The following BYSL variants were observed in gnomAD, a reference collection of about 807,000 sequenced individuals.
BYSL encodes the protein bystin.
A neutral mutation model predicts 45.4 loss-of-function variants in BYSL; 21 were observed. The ratio of observed to expected loss-of-function variants is 0.46; its 90% CI spans 0.33 to 0.67. The LOEUF (loss-of-function observed/expected upper bound fraction) is 0.67, where lower values mean the gene tolerates loss of function less well. Ranked by LOEUF, BYSL falls within the 30% of genes least tolerant of loss-of-function variation. The pLI, the probability that BYSL is intolerant of heterozygous loss-of-function variation, is 0.02. For missense variants in BYSL, 522 were observed against 578.5 expected, an observed-to-expected ratio of 0.90 and a Z score of 1.00; for synonymous variants, 215 against 231.3, an observed-to-expected ratio of 0.93 and a Z score of 0.64.
upstream of BYSL, chr6:41,917,461 A>C (rs942491091): frequency 4.6e-6 from 1 of 215,712 alleles, no homozygotes. Context: ...AGAGTAGAAC[A>C]AGGAGTCCAA....
the BYSL span, among the ~76,000 whole-genome samples, chr6:41,911,139 GAGAT>G: frequency 2.0e-5 from 3 of 150,660 alleles, no homozygotes; most frequent in African/African-American, 7.3e-5. Flanking sequence ...TCTCATGAGA[GAGAT>G]AGGCTAAAAA....
chr6:41,909,136 T>C, the BYSL span: 1 of 1,252,428 alleles, frequency 8.0e-7, no homozygotes, highest in Non-Finnish European at 1.1e-6. Flanking sequence ...ATTGTGCCAT[T>C]GCATTCCAGC....
upstream of BYSL, chr6:41,916,696 T>C: frequency 6.6e-7 from 1 of 1,511,578 alleles, no homozygotes; most frequent in East Asian, 2.3e-5. Flanking sequence ...ATACCACCTT[T>C]AGCAGAAAAG....
chr6:41,920,864 C>G, upstream of BYSL: 1 of 1,069,674 alleles, frequency 9.3e-7, no homozygotes, highest in Non-Finnish European at 1.3e-6. Flanking sequence ...GGGGAACCCG[C>G]AGCCCGGACG....
chr6:41,930,262 G>A lies in BYSL; in HGVS notation c.562G>A (p.Val188Ile), dbSNP rs150414779. The stretch of plus-strand genomic sequence containing the variant: ...CCGGGTCCTAGAAGTGTACAGGGGG[G>A]TCCGGGAGGTAAGAGCTGAGAGGGG... ...DPRVLEVYRG[V>I]REVLSKYRSG... Residue 188 changes from valine (V) to isoleucine (I), a missense_variant, in exon 3 of 7, where the codon GTC (valine) becomes ATC (isoleucine). Physicochemically the swap from Val to Ile is conservative, Grantham distance 29 (BLOSUM62 3). Transcript: ENST00000230340. 101 of 1,613,630 alleles carry A rather than the reference G, an allele frequency of 6.3e-5. No individual in the cohort carries two copies. Among genetic ancestry groups the A allele is most frequent in the Non-Finnish European group, 7.9e-5 (93 of 1,179,748 alleles).
upstream of BYSL, chr6:41,917,007 G>A (rs1204118789): frequency 1.2e-5 from 18 of 1,563,462 alleles, no homozygotes; most frequent in Admixed American, 3.4e-5. Context: ...CCATTCACTC[G>A]CCCACAGCAT....
intron 3 of BYSL, 121 bp downstream of exon 3, chr6:41,930,391 AC>A: frequency 7.3e-7 from 1 of 1,372,444 alleles, no homozygotes. Flanking sequence ...TAGAAAACAG[AC>A]CTAAGAGGCA....
At chr6:41,923,446 G>A (rs1429283933) in intron 1 of BYSL, among the ~76,000 whole-genome samples, 1 of 152,090 alleles carries the variant, frequency 6.6e-6, no homozygotes, top group Admixed American at 6.6e-5. Context: ...ACAGGCGTGA[G>A]CCATCACATC....
At chr6:41,922,564 GT>G (rs569869391) in intron 1 of BYSL, among the ~76,000 whole-genome samples, 40 of 152,314 alleles carry the variant, frequency 2.6e-4, no homozygotes, top group Admixed American at 2.5e-3. Flanking sequence ...CAACACTCCT[GT>G]TTTACTGCCA....
upstream of BYSL, chr6:41,916,644 G>T (rs1561939276): frequency 5.0e-6 from 5 of 1,002,070 alleles, no homozygotes; most frequent in East Asian, 2.4e-5. Context: ...AAAGAACCAA[G>T]AATTAATGAC....
chr6:41,909,043 C>A, the BYSL span: 2 of 524,460 alleles, frequency 3.8e-6, no homozygotes, highest in East Asian at 5.9e-5. Flanking sequence ...AAATTTAATT[C>A]GGTGGGTGTA....
the BYSL span, among the ~76,000 whole-genome samples, chr6:41,915,515 C>T: frequency 3.3e-5 from 5 of 150,400 alleles, no homozygotes; most frequent in African/African-American, 9.8e-5. Context: ...ACGCTGGGCG[C>T]GGTGGCTCAC....
chr6:41,914,896 G>C, the BYSL span, among the ~76,000 whole-genome samples: 1 of 152,132 alleles, frequency 6.6e-6, no homozygotes, highest in East Asian at 1.9e-4. Context: ...AAACCCTAAA[G>C]CTCTAAAAGA....
At chr6:41,919,160 CTT>C (rs1487302501), upstream of BYSL, among the ~76,000 whole-genome samples, 4 of 138,692 alleles carry the variant, frequency 2.9e-5, no homozygotes, top group Non-Finnish European at 6.2e-5. Flanking sequence ...AAAGAGGAAA[CTT>C]AAGTACAGCA....
intron 1 of BYSL, among the ~76,000 whole-genome samples, chr6:41,922,392 CGA>C (rs1444733333): frequency 2.6e-5 from 4 of 152,146 alleles, no homozygotes; most frequent in African/African-American, 9.7e-5. Flanking sequence ...AGCCAAAGAG[CGA>C]GAGAGATGAA....
upstream of BYSL, chr6:41,921,174 A>T: frequency 1.1e-6 from 1 of 948,378 alleles, no homozygotes; most frequent in South Asian, 1.7e-5. Flanking sequence ...GCCTTCCCCA[A>T]GGAATGGGGC....
In BYSL at chr6:41,932,366, C is replaced by T. The variant is rs1264455314; in HGVS notation, c.974C>T (p.Ala325Val). Reference sequence around the variant, plus strand: ...CCACCTCCCTTTCCCACTAGTGCGGCCATGCTGAAAATTGCTGAGATGGAA... The same window carrying T: ...CCACCTCCCTTTCCCACTAGTGCGGTCATGCTGAAAATTGCTGAGATGGAA... ...CSIPVLHSSA[A>V]MLKIAEMEYS... Residue 325 changes from alanine to valine, a missense_variant, in exon 7 of 7, where the codon GCC becomes GTC. Transcript: ENST00000230340. This position sits in a 1 kb window ranked among gnomAD's most constrained non-coding sequence, Gnocchi z 4.7. 1 of 1,608,828 alleles carries T rather than the reference C, an allele frequency of 6.2e-7. No individual in the cohort carries two copies.
chr6:41,924,664 C>T (rs1424012386), intron 1 of BYSL, among the ~76,000 whole-genome samples: 1 of 152,180 alleles, frequency 6.6e-6, no homozygotes, highest in African/African-American at 2.4e-5. Context: ...GATTTTAAAA[C>T]CATCCTAACA....
intron 2 of BYSL, 127 bp downstream of exon 2, chr6:41,927,663 C>G: frequency 1.7e-6 from 2 of 1,169,374 alleles, no homozygotes; most frequent in Admixed American, 2.6e-5. Flanking sequence ...AGGGGACCAC[C>G]TTGACAAAAC....
Sources: gnomAD v4.1 joint callset for allele counts (sites outside exome capture counted in the v4.1 genomes callset) on GRCh38, gnomAD v4.1.1 for gene constraint, Gnocchi (gnomAD v3.1) non-coding constraint, MANE v1.5 for transcripts, NCBI Gene and HGNC (gene_info 2026-07-23, HGNC 2026-07-21) for gene names.